Variants in DZIP1L observed in about 807,000 individuals in gnomAD.
DZIP1L encodes the protein cilium assembly protein DZIP1L.
A neutral mutation model predicts 88.7 loss-of-function variants in DZIP1L; 90 were observed. The ratio of observed to expected loss-of-function variants is 1.02; its 90% CI spans 0.86 to 1.21. The LOEUF is 1.21. DZIP1L is among the 50% of genes most tolerant of loss of function. DZIP1L has a pLI of 0.00. For missense variants in DZIP1L, 932 were observed against 955.8 expected (o/e 0.98, Z 0.33); for synonymous variants, 363 against 372.1 (o/e 0.98, Z 0.28).
At position 138,067,675 on chromosome 3, in the gene DZIP1L, C is replaced by G; in HGVS notation, c.1858G>C (p.Asp620His). Reference protein sequence around the residue: ...MSTPPFSSEEDSEGDRVQRVS... With the variant: ...MSTPPFSSEEHSEGDRVQRVS... ...CGCTGCACACGGTCTCCCTCTGAGT[C>G]CTCTTCAGAACTGAACGGGGGCGTG... Residue 620 changes from aspartate to histidine, a missense_variant, in exon 14 of 16, where the codon GAC becomes CAC. By Grantham distance (81) the Asp-to-His change is moderately conservative. Coordinates refer to ENST00000327532, the MANE Select transcript of DZIP1L (RefSeq NM_173543.3). 6.2e-7 allele frequency: 1 copy of G among 1,601,988 alleles called. No homozygotes were observed. Among genetic ancestry groups the G allele is most frequent in the South Asian group, 1.1e-5 (1 of 89,098 alleles).
rs577313634 is a variant in DZIP1L at position 138,077,333 on chromosome 3, C to A, written c.1422+166G>T. The stretch of plus-strand genomic sequence containing the variant: ...GAAACAGAGGAAAGATATCACACTG[C>A]CGCTGTGAAGTGAGAAAGGCGTGCA... On this transcript the variant is annotated intron_variant, in intron 11 of 15. Coordinates refer to ENST00000327532, the MANE Select transcript of DZIP1L (RefSeq NM_173543.3). 1.0e-3 allele frequency among the ~76,000 whole-genome samples: 152 copies of A among 152,316 alleles called. 1 individual carries two copies. The Middle Eastern group carries it at 0.037, about 37-fold the overall frequency.
Position 138,092,461 on chromosome 3 carries a change from A to C in DZIP1L, c.792T>G (p.Tyr264Ter), listed in dbSNP as rs774957162. The change falls in exon 5 of 16, where the codon TAT becomes TAG. Residue 264 changes from tyrosine (Y) to a stop codon, truncating the protein, a stop_gained. Coordinates refer to ENST00000327532, the MANE Select transcript of DZIP1L (RefSeq NM_173543.3). LOFTEE classifies it high-confidence loss of function. Reference protein sequence around the residue: ...KWKEQEWTKLYGEIDKLKKLF... With the variant: ...KWKEQEWTKL ...ATTTTTTTAGTTTATCTATTTCCCCATAAAGTTTGGTCCACTCTTGCTCTT... is the reference window on the plus strand; with the variant it reads ...ATTTTTTTAGTTTATCTATTTCCCCCTAAAGTTTGGTCCACTCTTGCTCTT... 1 of 1,607,326 alleles carries C rather than the reference A, an allele frequency of 6.2e-7. No individual in the cohort carries two copies. Among genetic ancestry groups the C allele is most frequent in the Non-Finnish European group, 8.5e-7 (1 of 1,177,482 alleles).
intron 2 of DZIP1L, among the ~76,000 whole-genome samples, chr3:138,103,178 G>A (rs575125586): frequency 2.0e-5 from 3 of 150,610 alleles, no homozygotes; most frequent in East Asian, 3.9e-4. Flanking sequence ...ACACACACTC[G>A]CCATACATTC....
chr3:138,109,846 A>G (rs963090536), intron 1 of DZIP1L, among the ~76,000 whole-genome samples: 1 of 152,236 alleles, frequency 6.6e-6, no homozygotes, highest in South Asian at 2.1e-4. Context: ...ATTCTCAGCA[A>G]ATTAACACAG....
chr3:138,086,640 G>A (rs909715825), intron 7 of DZIP1L, among the ~76,000 whole-genome samples: 11 of 152,132 alleles, frequency 7.2e-5, no homozygotes, highest in African/African-American at 1.2e-4. Flanking sequence ...ACGACCAGGC[G>A]ATTCATCTGA....
intron 4 of DZIP1L, among the ~76,000 whole-genome samples, chr3:138,094,236 A>G (rs1239920944): frequency 6.6e-6 from 1 of 152,272 alleles, no homozygotes; most frequent in Non-Finnish European, 1.5e-5. Context: ...AAAATGTGAT[A>G]CATAGACATG....
intron 13 of DZIP1L, 127 bp downstream of exon 13, chr3:138,068,024 C>T (rs1437073914): frequency 2.3e-6 from 2 of 878,250 alleles, no homozygotes; most frequent in South Asian, 3.0e-5. Context: ...CCACCTGAGG[C>T]ACCTTCTATT....
At chr3:138,104,268 C>G (rs1167155450) in intron 1 of DZIP1L, among the ~76,000 whole-genome samples, 1 of 152,238 alleles carries the variant, frequency 6.6e-6, no homozygotes, top group Non-Finnish European at 1.5e-5. Context: ...TGGGCAAGTC[C>G]CTGCACATCT....
In DZIP1L at chr3:138,071,766, T is replaced by C. The variant is rs140548803; in HGVS notation, c.1492A>G (p.Lys498Glu). 1.9e-6 allele frequency: 3 copies of C among 1,614,190 alleles called. No homozygotes were observed. In the African/African-American group the frequency reaches 4.0e-5, roughly 22 times the overall value. ...ESLLRVQREQ[K>E]ARKFSEFLSL... ...AGAAATTCAGAAAACTTCCGGGCCTTCTGCTCCCGCTGGACTCTCAGCAGG... is the reference window on the plus strand; with the variant it reads ...AGAAATTCAGAAAACTTCCGGGCCTCCTGCTCCCGCTGGACTCTCAGCAGG... The change falls in exon 12 of 16, where the codon AAG (lysine) becomes GAG (glutamate). Residue 498 changes from lysine (K) to glutamate (E), a missense_variant. Physicochemically the swap from Lys to Glu is moderately conservative, Grantham distance 56. Transcript: ENST00000327532.
chr3:138,106,502 G>T (rs2042494870), intron 1 of DZIP1L, among the ~76,000 whole-genome samples: 1 of 151,764 alleles, frequency 6.6e-6, no homozygotes, highest in African/African-American at 2.4e-5. Flanking sequence ...GAAAGTCAAA[G>T]AAGTCATCAG....
chr3:138,114,636 A>C (rs1477556031), intron 1 of DZIP1L, among the ~76,000 whole-genome samples: 3 of 152,112 alleles, frequency 2.0e-5, no homozygotes, highest in Non-Finnish European at 4.4e-5. Flanking sequence ...CCTCTCTCCA[A>C]AGTCCTGTTA....
At chr3:138,086,924 G>A (rs764205280) in intron 7 of DZIP1L, 37 bp downstream of exon 7, 3 of 1,609,936 alleles carry the variant, frequency 1.9e-6, no homozygotes, top group Non-Finnish European at 2.5e-6. Context: ...GAGGTCACAG[G>A]AAACCAAGCT....
At chr3:138,115,280 G>A (rs2042673864) in intron 1 of DZIP1L, 48 bp downstream of exon 1, 2 of 152,142 alleles carry the variant, frequency 1.3e-5, no homozygotes, top group African/African-American at 2.4e-5. Flanking sequence ...CACCCGCCCC[G>A]CTCCCGGGAC....
At chr3:138,091,491 G>A (rs555753957) in intron 5 of DZIP1L, among the ~76,000 whole-genome samples, 8 of 151,660 alleles carry the variant, frequency 5.3e-5, no homozygotes, top group East Asian at 4.0e-4. Context: ...GGTGGCACAC[G>A]CCTGTAATCC....
At chr3:138,076,630 G>T (rs1943421940) in intron 11 of DZIP1L, among the ~76,000 whole-genome samples, 1 of 152,202 alleles carries the variant, frequency 6.6e-6, no homozygotes, top group Non-Finnish European at 1.5e-5. Context: ...TGGAATTGGA[G>T]ACTATTATTC....
chr3:138,073,375 T>G (rs996520392), intron 11 of DZIP1L, among the ~76,000 whole-genome samples: 1 of 152,160 alleles, frequency 6.6e-6, no homozygotes, highest in Non-Finnish European at 1.5e-5. Flanking sequence ...CTGCAAGACC[T>G]GAAGATGGAT....
In DZIP1L at chr3:138,084,200, C is replaced by T. The variant is rs1304605046; in HGVS notation, c.1116G>A (p.Lys372=). ...LQASLSQDQK[K]AAAQSQCQIS... Reference sequence around the variant, plus strand: ...TCTGGCACTGGGACTGGGCAGCTGCCTTCTTCTGATCCTGAGACAGGGAGG... The same window carrying T: ...TCTGGCACTGGGACTGGGCAGCTGCTTTCTTCTGATCCTGAGACAGGGAGG... Residue 372 remains lysine, a synonymous_variant, in exon 8 of 16, where the codon AAG becomes AAA. Transcript: ENST00000327532. 3 of 1,614,222 alleles carry T rather than the reference C, an allele frequency of 1.9e-6. No individual in the cohort carries two copies. The highest frequency in any genetic ancestry group is 1.3e-5 in the African/African-American group (1 of 75,074).
chr3:138,080,706 T>G, intron 9 of DZIP1L, 86 bp from the exon 10 acceptor site: 1 of 1,443,378 alleles, frequency 6.9e-7, no homozygotes, highest in Non-Finnish European at 9.6e-7. Context: ...CAGCTGAGTA[T>G]GAGCCAGAAA....
chr3:138,113,895 T>C (rs2042654262), intron 1 of DZIP1L, among the ~76,000 whole-genome samples: 1 of 152,242 alleles, frequency 6.6e-6, no homozygotes, highest in African/African-American at 2.4e-5. Context: ...ATTAAGTTTT[T>C]GCCACAAACG....
Sources: allele counts gnomAD v4.1 joint callset (sites outside exome capture counted in the v4.1 genomes callset), GRCh38; gene constraint gnomAD v4.1.1; transcripts MANE v1.5; gene names NCBI Gene and HGNC (gene_info 2026-07-23, HGNC 2026-07-21).